The following CSRNP3 variants were observed in gnomAD, a reference collection of about 807,000 sequenced individuals.
CSRNP3 encodes the protein cysteine/serine-rich nuclear protein 3.
In CSRNP3, 12 loss-of-function variants were observed where a neutral mutation model predicts 48.0. The observed-to-expected ratio is 0.25, with a 90% CI of 0.16 to 0.41. The LOEUF (loss-of-function observed/expected upper bound fraction) is 0.41, where lower values mean the gene tolerates loss of function less well. Among genes scored for constraint, CSRNP3 ranks in the 10% least tolerant of loss-of-function variants. The pLI, the probability that CSRNP3 is intolerant of heterozygous loss-of-function variation, is 1.00. For missense variants in CSRNP3, 580 were observed against 724.4 expected (o/e 0.80, Z 2.29); for synonymous variants, 263 against 269.7 (o/e 0.98, Z 0.24).
At chr2:165,527,096 G>T (rs1010474048) in intron 3 of CSRNP3, among the ~76,000 whole-genome samples, 10 of 151,652 alleles carry the variant, frequency 6.6e-5, no homozygotes, top group African/African-American at 2.4e-4. Flanking sequence ...TTAAATAAAG[G>T]TGTTTTCACA....
intron 3 of CSRNP3, among the ~76,000 whole-genome samples, chr2:165,563,596 A>G (rs1685261578): frequency 1.3e-5 from 2 of 152,134 alleles, no homozygotes; most frequent in Non-Finnish European, 2.9e-5. Context: ...ATTAATAACC[A>G]TAACAAAATT....
chr2:165,678,905 C>A lies in CSRNP3; in HGVS notation c.910C>A (p.Pro304Thr). The A allele has an allele frequency of 6.2e-7, 1 of 1,613,974 alleles. No homozygotes were observed. Among genetic ancestry groups the A allele is most frequent in the South Asian group, 1.1e-5 (1 of 91,068 alleles). ...AAGTGCTCACAGTAGTTCTATGGGC[C>A]CTGTCGCTCACTCCGTAGAATATTC... ...EISAHSSSMG[P>T]VAHSVEYSIA... The change falls in exon 7 of 7, where the codon CCT becomes ACT. Residue 304 changes from proline (P) to threonine (T), a missense_variant. Around this residue, in one of 4 missense-constraint regions of CSRNP3, gnomAD observed 369 missense variants for 380.8 expected, o/e 0.97. Transcript: ENST00000651982.
At chr2:165,577,059 CT>C (rs1685462159) in intron 3 of CSRNP3, among the ~76,000 whole-genome samples, 3 of 151,688 alleles carry the variant, frequency 2.0e-5, no homozygotes, top group South Asian at 4.2e-4. Context: ...CTACAAATAA[CT>C]GTTGTCATCT....
chr2:165,600,328 C>T (rs4405781), intron 4 of CSRNP3, among the ~76,000 whole-genome samples: 72,634 of 146,466 alleles, frequency 0.5, 18,219 homozygotes, highest in Middle Eastern at 0.54. Context: ...TAATCCAGTC[C>T]ATCATTGTTG....
At chr2:165,571,695 G>A (rs1685376164) in intron 3 of CSRNP3, among the ~76,000 whole-genome samples, 1 of 151,970 alleles carries the variant, frequency 6.6e-6, no homozygotes, top group African/African-American at 2.4e-5. Flanking sequence ...AACTTAAATT[G>A]AAATCTGCAT....
chr2:165,540,510 A>G (rs1347897199), intron 3 of CSRNP3, among the ~76,000 whole-genome samples: 1 of 152,076 alleles, frequency 6.6e-6, no homozygotes, highest in Non-Finnish European at 1.5e-5. Flanking sequence ...ACTGCTGGGC[A>G]AGGCAGTCTC....
At position 165,684,824 on chromosome 2, in the gene CSRNP3, G is replaced by A. The variant is rs1687604304; in HGVS notation, c.*5071G>A. ...CGCAATAAAAGCTTAATAAGTGGTG[G>A]TGTCTTCTAGGAATTATGAAAAAAA... On this transcript the variant is annotated 3_prime_UTR_variant, in exon 7 of 7. Transcript: ENST00000651982. 6.6e-6 allele frequency: 1 copy of A among 151,950 alleles called. No individual in the cohort carries two copies. The highest frequency in any genetic ancestry group is 1.5e-5 in the Non-Finnish European group (1 of 67,956). 9.4% of individuals were successfully genotyped at this position (151,950 alleles called of 1,614,324 possible).
At chr2:165,519,415 G>A (rs565320978) in intron 3 of CSRNP3, among the ~76,000 whole-genome samples, 1 of 152,248 alleles carries the variant, frequency 6.6e-6, no homozygotes, top group East Asian at 1.9e-4. Context: ...GCAAATAGTA[G>A]GTAGGTGAGT....
chr2:165,568,527 C>T (rs916357301), intron 3 of CSRNP3, among the ~76,000 whole-genome samples: 1 of 152,086 alleles, frequency 6.6e-6, no homozygotes, highest in African/African-American at 2.4e-5. Context: ...TGTGATTTCT[C>T]CAGCATGACA....
rs1687636010 is a variant in CSRNP3, at chr2:165,686,647, A to C, written c.*6894A>C. 2 of 152,040 alleles carry C rather than the reference A, an allele frequency of 1.3e-5. No homozygotes were observed. Among genetic ancestry groups the C allele is most frequent in the Admixed American group, 1.3e-4 (2 of 15,228 alleles). The allele number at this position is 152,040 out of a possible 1,614,324, so 9.4% of individuals were successfully genotyped here. A position where few individuals can be genotyped will look rare whatever the true frequency, so the allele number is the denominator to read the frequency against. On this transcript the variant is annotated 3_prime_UTR_variant, in exon 7 of 7. Transcript: ENST00000651982. ...TTTAGTGTTGATCCTTGAGTTATTT[A>C]ATGGTATCCAAATGATATCTGAAAG...
chr2:165,595,394 A>G (rs1419704080), intron 4 of CSRNP3, among the ~76,000 whole-genome samples, 181 bp downstream of exon 4: 1 of 152,206 alleles, frequency 6.6e-6, no homozygotes, highest in Non-Finnish European at 1.5e-5. Flanking sequence ...TATTTAGAAT[A>G]CTTTTTTGCA....
chr2:165,665,716 TGCCATTGTACTGTA>T (rs1323466152), intron 5 of CSRNP3, among the ~76,000 whole-genome samples: 1 of 151,134 alleles, frequency 6.6e-6, no homozygotes, highest in East Asian at 2.0e-4. Context: ...GCTATGATTG[TGCCATTGTACTGTA>T]GCCTGGGTCC....
At position 165,591,813 on chromosome 2, in the gene CSRNP3, C is replaced by G. The variant is rs555814591; in HGVS notation, c.-23-3230C>G. On this transcript the variant is annotated intron_variant, in intron 3 of 6. Coordinates refer to ENST00000651982, the MANE Select transcript of CSRNP3 (RefSeq NM_001172173.2). ...GTATGGAAATGCCTCTATGTCCAGGCAGAAGTCTGTTGCTGGGGCAAAGCT... is the reference window on the plus strand; with the variant it reads ...GTATGGAAATGCCTCTATGTCCAGGGAGAAGTCTGTTGCTGGGGCAAAGCT... Among the ~76,000 whole-genome samples, 3 of 152,296 alleles carry G rather than the reference C, an allele frequency of 2.0e-5. No individual in the cohort carries two copies. In the East Asian group the frequency reaches 5.8e-4, roughly 29 times the overall value.
At chr2:165,666,218 A>T (rs1370377545) in intron 5 of CSRNP3, among the ~76,000 whole-genome samples, 4 of 139,332 alleles carry the variant, frequency 2.9e-5, no homozygotes, top group Non-Finnish European at 6.3e-5. Flanking sequence ...AAAGAAAGAC[A>T]GAGAGGAAGG....
intron 3 of CSRNP3, among the ~76,000 whole-genome samples, chr2:165,553,834 C>T (rs1421783846): frequency 6.6e-6 from 1 of 152,140 alleles, no homozygotes; most frequent in East Asian, 1.9e-4. Flanking sequence ...TCTCCTTCTA[C>T]TATATCATTT....
intron 3 of CSRNP3, among the ~76,000 whole-genome samples, chr2:165,526,015 T>C (rs538208691): frequency 1.6e-4 from 25 of 152,308 alleles, no homozygotes; most frequent in Admixed American, 1.3e-3. Context: ...ATCCACTAAA[T>C]TGACTTTGCA....
At chr2:165,543,908 A>G (rs1462898636) in intron 3 of CSRNP3, among the ~76,000 whole-genome samples, 1 of 152,108 alleles carries the variant, frequency 6.6e-6, no homozygotes, top group African/African-American at 2.4e-5. Flanking sequence ...ATAAAAAAAG[A>G]GATCAAGACA....
chr2:165,679,269 A>C lies in CSRNP3; in HGVS notation c.1274A>C (p.Asn425Thr). The C allele has an allele frequency of 1.2e-6, 2 of 1,613,942 alleles. No homozygotes were observed. Among genetic ancestry groups the C allele is most frequent in the South Asian group, 2.2e-5 (2 of 91,074 alleles). The part of the protein sequence containing the change: ...GTAVHESHAK[N>T]ASFYANSSTL... ...GCCGTTCACGAAAGCCATGCAAAGA[A>C]TGCTTCTTTTTATGCCAACTCTTCA... The change falls in exon 7 of 7, where the codon AAT becomes ACT. Residue 425 changes from asparagine to threonine, a missense_variant. Physicochemically the swap from Asn to Thr is moderately conservative, Grantham distance 65. Around this residue, in one of 4 missense-constraint regions of CSRNP3, gnomAD observed 369 missense variants for 380.8 expected, o/e 0.97. Coordinates refer to ENST00000651982, the MANE Select transcript of CSRNP3 (RefSeq NM_001172173.2).
intron 4 of CSRNP3, among the ~76,000 whole-genome samples, chr2:165,602,599 A>G (rs564322604): frequency 2.2e-4 from 34 of 152,316 alleles, no homozygotes; most frequent in Non-Finnish European, 3.2e-4. Flanking sequence ...TGGATATGCA[A>G]TAAGGCCTGT....
Sources: gnomAD v4.1 joint callset for allele counts (sites outside exome capture counted in the v4.1 genomes callset) on GRCh38, gnomAD v4.1.1 for gene constraint, gnomAD v4.1.1 regional missense constraint, MANE v1.5 for transcripts, NCBI Gene and HGNC (gene_info 2026-07-23, HGNC 2026-07-21) for gene names.